DLG1: variants seen among roughly 807,000 people sequenced by gnomAD.
DLG1 encodes the protein disks large homolog 1.
DLG1 carries 42 observed loss-of-function variants against 123.4 expected under a neutral mutation model. The ratio of observed to expected loss-of-function variants is 0.34; its 90% CI spans 0.27 to 0.44. The LOEUF is 0.44. Ranked by LOEUF, DLG1 falls within the 20% of genes least tolerant of loss-of-function variation. The pLI is 1.00. For missense variants in DLG1, 942 were observed against 1,082.6 expected, an observed-to-expected ratio of 0.87 and a Z score of 1.82; for synonymous variants, 317 against 356.2, an observed-to-expected ratio of 0.89 and a Z score of 1.24.
At chr3:197,127,924 A>C (rs200439196) in intron 11 of DLG1, among the ~76,000 whole-genome samples, 6 of 145,976 alleles carry the variant, frequency 4.1e-5, no homozygotes, top group South Asian at 2.2e-4. Flanking sequence ...CTAAAAAAAA[A>C]CCGCTAGCAA....
chr3:197,081,968 C>A (rs558030207), intron 16 of DLG1, among the ~76,000 whole-genome samples: 26 of 152,140 alleles, frequency 1.7e-4, no homozygotes, highest in Admixed American at 5.2e-4. Flanking sequence ...TAGCATATAA[C>A]AGAAAAGCCT....
Position 197,162,292 on chromosome 3 carries a change from A to T in DLG1, c.484-12496T>A, listed in dbSNP as rs182632351. 3.0e-3 allele frequency among the ~76,000 whole-genome samples: 463 copies of T among 152,238 alleles called. 3 individuals are homozygous for T. The highest frequency in any genetic ancestry group is 9.7e-3 in the African/African-American group (404 of 41,544). On this transcript the variant is annotated intron_variant, in intron 5 of 24. Transcript: ENST00000667157. ...CAGACATATCTGGCAAAAATGAAAA[A>T]ACAACGTAGAGAGAACCTGGTATAA...
chr3:197,199,921 T>C (rs1009558391), intron 4 of DLG1, among the ~76,000 whole-genome samples: 3 of 152,312 alleles, frequency 2.0e-5, no homozygotes, highest in East Asian at 3.9e-4. Context: ...TAAATGATTA[T>C]AGTAAGAACA....
At chr3:197,147,369 G>T (rs1278412000) in intron 6 of DLG1, among the ~76,000 whole-genome samples, 1 of 150,844 alleles carries the variant, frequency 6.6e-6, no homozygotes, top group Non-Finnish European at 1.5e-5. Flanking sequence ...ATTCACAATT[G>T]CAAAAATATG....
chr3:197,109,277 C>G (rs749379077), intron 13 of DLG1, among the ~76,000 whole-genome samples: 4 of 152,128 alleles, frequency 2.6e-5, no homozygotes, highest in Admixed American at 2.6e-4. Flanking sequence ...GGCTGAGGCA[C>G]GAGGATTGCC....
At chr3:197,236,750 T>C (rs1315803911) in intron 4 of DLG1, among the ~76,000 whole-genome samples, 1 of 152,238 alleles carries the variant, frequency 6.6e-6, no homozygotes, top group African/African-American at 2.4e-5. Context: ...AGACAATCTA[T>C]AATCAGATGG....
At chr3:197,069,004 T>G (rs1240286281) in intron 19 of DLG1, among the ~76,000 whole-genome samples, 1 of 122,404 alleles carries the variant, frequency 8.2e-6, no homozygotes, top group Non-Finnish European at 1.8e-5. Flanking sequence ...TGTACACAAA[T>G]AATATTTTTA....
At chr3:197,106,956 T>C (rs960590085) in intron 13 of DLG1, among the ~76,000 whole-genome samples, 1 of 152,182 alleles carries the variant, frequency 6.6e-6, no homozygotes, top group East Asian at 1.9e-4. Flanking sequence ...CAACCATCAT[T>C]ACCACCTAAT....
At chr3:197,269,417 T>A (rs566705831) in intron 4 of DLG1, among the ~76,000 whole-genome samples, 10 of 152,322 alleles carry the variant, frequency 6.6e-5, no homozygotes, top group South Asian at 2.1e-4. Context: ...ATAGCTTTTT[T>A]AAAAAAATAA....
intron 4 of DLG1, among the ~76,000 whole-genome samples, chr3:197,270,959 A>G (rs936780440): frequency 1.3e-5 from 2 of 152,252 alleles, no homozygotes; most frequent in African/African-American, 4.8e-5. Context: ...GTGATAGTCT[A>G]TAAAACAACT....
intron 4 of DLG1, among the ~76,000 whole-genome samples, chr3:197,248,836 T>C (rs575209725): frequency 1.3e-5 from 2 of 152,194 alleles, no homozygotes; most frequent in African/African-American, 4.8e-5. Flanking sequence ...AGATTACTTA[T>C]ATACTAGAAC....
At chr3:197,105,103 G>A (rs1269981014) in intron 13 of DLG1, 98 bp from the exon 14 acceptor site, 1 of 714,304 alleles carries the variant, frequency 1.4e-6, no homozygotes, top group Non-Finnish European at 2.3e-6. Context: ...TAAAAAATTA[G>A]TTGCAATAAC....
chr3:197,219,853 G>C (rs955282147), intron 4 of DLG1, among the ~76,000 whole-genome samples: 1 of 152,164 alleles, frequency 6.6e-6, no homozygotes, highest in African/African-American at 2.4e-5. Context: ...AAAGGCCTTG[G>C]GAAATCTCGC....
chr3:197,252,950 T>A (rs1177512071), intron 4 of DLG1, among the ~76,000 whole-genome samples: 1 of 152,020 alleles, frequency 6.6e-6, no homozygotes, highest in Non-Finnish European at 1.5e-5. Context: ...ATAAAAAAAA[T>A]ACTAACCCAA....
intron 12 of DLG1, among the ~76,000 whole-genome samples, chr3:197,116,536 T>C (rs1470413866): frequency 3.3e-5 from 5 of 152,180 alleles, no homozygotes; most frequent in African/African-American, 1.2e-4. Context: ...AAACAAGTTA[T>C]TGCAATCCCA....
rs745637885 is a variant in DLG1, at chr3:197,065,698, G to A, written c.2200+10C>T. The stretch of plus-strand genomic sequence containing the variant: ...AGTAACAATTAAATGTTTTTGTTTG[G>A]TTTACTTACGAGGAACACAGGATCC... On this transcript the variant is annotated intron_variant, in intron 21 of 24. Coordinates refer to ENST00000667157, the MANE Select transcript of DLG1 (RefSeq NM_001366207.1). The A allele has an allele frequency of 6.4e-7, 1 of 1,565,432 alleles. No homozygotes were observed. Among genetic ancestry groups the A allele is most frequent in the Non-Finnish European group, 8.7e-7 (1 of 1,142,920 alleles).
chr3:197,093,973 A>C (rs1282897761), intron 14 of DLG1, among the ~76,000 whole-genome samples: 1 of 152,206 alleles, frequency 6.6e-6, no homozygotes, highest in Non-Finnish European at 1.5e-5. Flanking sequence ...AGATTAGAAG[A>C]GGCCATGAAG....
chr3:197,240,798 A>T (rs565620460), intron 4 of DLG1, among the ~76,000 whole-genome samples: 89 of 152,206 alleles, frequency 5.8e-4, no homozygotes, highest in Non-Finnish European at 9.6e-4. Context: ...GAGGCTCTTG[A>T]CATAAGAGAG....
intron 23 of DLG1, among the ~76,000 whole-genome samples, chr3:197,057,465 C>G (rs916687036): frequency 1.3e-5 from 2 of 152,158 alleles, no homozygotes; most frequent in Non-Finnish European, 2.9e-5. Flanking sequence ...GAGTGTGCGT[C>G]TAAGAATATG....
Sources: gnomAD v4.1 joint callset for allele counts (sites outside exome capture counted in the v4.1 genomes callset) on GRCh38, gnomAD v4.1.1 for gene constraint, MANE v1.5 for transcripts, NCBI Gene and HGNC (gene_info 2026-07-23, HGNC 2026-07-21) for gene names.